Variants in MGMT observed in about 807,000 individuals in gnomAD.
The protein encoded by MGMT is O-6-methylguanine-DNA methyltransferase.
In MGMT, 14 loss-of-function variants were observed where a neutral mutation model predicts 15.9. The observed-to-expected ratio is 0.88, with a 90% CI of 0.58 to 1.37. The LOEUF (loss-of-function observed/expected upper bound fraction) is 1.37. Ranked by LOEUF, MGMT falls within the 40% of genes most tolerant of loss-of-function variation. The probability of loss-of-function intolerance (pLI) is 0.00; values close to 1 mark genes in which losing one functional copy is unlikely to be tolerated. For missense variants in MGMT, 282 were observed against 268.1 expected, an observed-to-expected ratio of 1.05 and a Z score of -0.36; for synonymous variants, 130 against 118.2, an observed-to-expected ratio of 1.10 and a Z score of -0.65.
chr10:129,636,195 G>A (rs905527080), intron 2 of MGMT, among the ~76,000 whole-genome samples: 3 of 152,164 alleles, frequency 2.0e-5, no homozygotes, highest in Non-Finnish European at 4.4e-5. Context: ...AACCCCCAAA[G>A]TGCCTCGTAT....
intron 2 of MGMT, among the ~76,000 whole-genome samples, chr10:129,635,572 A>G (rs1409484627): frequency 6.6e-6 from 1 of 152,108 alleles, no homozygotes; most frequent in Non-Finnish European, 1.5e-5. Flanking sequence ...TACTTATTTT[A>G]TCTTGCCTGG....
At chr10:129,655,720 T>C (rs1847518076) in intron 2 of MGMT, among the ~76,000 whole-genome samples, 1 of 152,198 alleles carries the variant, frequency 6.6e-6, no homozygotes, top group Non-Finnish European at 1.5e-5. Context: ...TGTTCCTCAG[T>C]ATAGCTGTGG....
chr10:129,565,439 T>A (rs1175117944), intron 2 of MGMT, among the ~76,000 whole-genome samples: 1 of 152,232 alleles, frequency 6.6e-6, no homozygotes, highest in East Asian at 1.9e-4. Flanking sequence ...TGACGAGTGT[T>A]GTAATATATC....
intron 2 of MGMT, among the ~76,000 whole-genome samples, chr10:129,646,754 A>ATATATATTTTTTTTTTTTTTTTTTTTTT: frequency 2.3e-5 from 2 of 86,678 alleles, no homozygotes; most frequent in Non-Finnish European, 5.1e-5. Flanking sequence ...ATATATATAT[A>ATATATATTTTTTTTTTTTTTTTTTTTTT]TTTTCAGGGA....
At chr10:129,651,685 C>T (rs772621692) in intron 2 of MGMT, among the ~76,000 whole-genome samples, 4 of 152,070 alleles carry the variant, frequency 2.6e-5, no homozygotes, top group Non-Finnish European at 4.4e-5. Context: ...CCTGAGAGAA[C>T]GTGCTCATCC....
intron 2 of MGMT, among the ~76,000 whole-genome samples, chr10:129,620,906 T>G (rs548680520): frequency 6.6e-6 from 1 of 152,202 alleles, no homozygotes; most frequent in Non-Finnish European, 1.5e-5. Flanking sequence ...ATTGAATCCT[T>G]TTTTGATTTC....
intron 3 of MGMT, among the ~76,000 whole-genome samples, chr10:129,728,230 G>C (rs1225185011): frequency 6.6e-6 from 1 of 152,204 alleles, no homozygotes; most frequent in Non-Finnish European, 1.5e-5. Context: ...TTTTGGCATA[G>C]AGTTGGGAAT....
intron 3 of MGMT, among the ~76,000 whole-genome samples, chr10:129,742,372 G>C (rs1433021775): frequency 6.6e-6 from 1 of 152,268 alleles, no homozygotes; most frequent in African/African-American, 2.4e-5. Context: ...CACTGGGATG[G>C]AGTCCCACCT....
intron 2 of MGMT, among the ~76,000 whole-genome samples, chr10:129,642,137 C>A (rs1847334558): frequency 6.6e-6 from 1 of 152,108 alleles, no homozygotes. Flanking sequence ...TGGGCATTTC[C>A]TACAGTGCAG....
chr10:129,581,015 A>T (rs79356478), intron 2 of MGMT, among the ~76,000 whole-genome samples: 4,947 of 152,284 alleles, frequency 0.032, 130 homozygotes, highest in South Asian at 0.064. Context: ...CAACAGTTGA[A>T]TTTGGATTCC....
intron 3 of MGMT, among the ~76,000 whole-genome samples, chr10:129,728,141 G>A (rs777350380): frequency 6.6e-6 from 1 of 152,180 alleles, no homozygotes; most frequent in South Asian, 2.1e-4. Flanking sequence ...GAGGGGACAT[G>A]GAGCCAGCAC....
chr10:129,695,022 A>G (rs1848014436), intron 2 of MGMT, among the ~76,000 whole-genome samples: 1 of 152,234 alleles, frequency 6.6e-6, no homozygotes, highest in South Asian at 2.1e-4. Context: ...ATTACTCTAT[A>G]TCCTTGCCAG....
intron 3 of MGMT, among the ~76,000 whole-genome samples, chr10:129,736,817 G>A (rs1848568157): frequency 2.0e-5 from 3 of 151,984 alleles, no homozygotes; most frequent in South Asian, 4.2e-4. Context: ...CTTCACTTAA[G>A]AAGCTTAGTT....
rs185479692 is a variant in MGMT, at chr10:129,517,333, C to T, written c.-12-18908C>T. Among the ~76,000 whole-genome samples, 302 of 152,348 alleles carry T rather than the reference C, an allele frequency of 2.0e-3. 4 individuals are homozygous for T. The highest frequency in any genetic ancestry group is 0.018 in the Admixed American group (270 of 15,300). On this transcript the variant is annotated intron_variant, in intron 1 of 4. Coordinates refer to ENST00000651593, the MANE Select transcript of MGMT (RefSeq NM_002412.5). ...TTAGGAGGAAACACGCAGCCCAGCA[C>T]AGGCTCCCCAGAGCACATCGTGAAT...
Position 129,759,487 on chromosome 10 carries a change from C to G in MGMT, c.414+146C>G, listed in dbSNP as rs1247102989. 8 of 1,226,846 alleles carry G rather than the reference C, an allele frequency of 6.5e-6. No individual in the cohort carries two copies. In the South Asian group the frequency reaches 7.2e-5, roughly 11 times the overall value. The allele number at this position is 1,226,846 out of a possible 1,614,324, so 76.0% of individuals were successfully genotyped here. On this transcript the variant is annotated intron_variant, in intron 4 of 4. Transcript: ENST00000651593. The stretch of plus-strand genomic sequence containing the variant: ...GATATCTGTGATGGGGACCATTATG[C>G]CAGATGCCTCCAGAAGAGGCAAGGA...
At chr10:129,508,653 C>T (rs1001066139) in intron 1 of MGMT, among the ~76,000 whole-genome samples, 6 of 151,422 alleles carry the variant, frequency 4.0e-5, no homozygotes, top group African/African-American at 1.5e-4. Flanking sequence ...TCAAGTGATT[C>T]TCCTGCCTCA....
At chr10:129,622,572 T>G (rs1847102401) in intron 2 of MGMT, among the ~76,000 whole-genome samples, 1 of 152,248 alleles carries the variant, frequency 6.6e-6, no homozygotes, top group Non-Finnish European at 1.5e-5. Context: ...TATGGTTAAC[T>G]ATCAGCAGAC....
chr10:129,537,748 A>G (rs1489364482), intron 2 of MGMT, among the ~76,000 whole-genome samples: 1 of 152,250 alleles, frequency 6.6e-6, no homozygotes, highest in African/African-American at 2.4e-5. Flanking sequence ...GATCAGGTTC[A>G]GGTGTAAAAA....
chr10:129,504,019 T>G (rs1198616048), intron 1 of MGMT, among the ~76,000 whole-genome samples: 1 of 152,240 alleles, frequency 6.6e-6, no homozygotes, highest in African/African-American at 2.4e-5. Flanking sequence ...GTTCCATGTC[T>G]GATACCCATA....
Sources: gnomAD v4.1 joint callset for allele counts (sites outside exome capture counted in the v4.1 genomes callset) on GRCh38, gnomAD v4.1.1 for gene constraint, MANE v1.5 for transcripts, NCBI Gene and HGNC (gene_info 2026-07-23, HGNC 2026-07-21) for gene names.